The following EPHA6 variants were observed in gnomAD, a reference collection of about 807,000 sequenced individuals.
The protein encoded by EPHA6 is EPH receptor A6, also known as ephrin type-A receptor 6.
In EPHA6, 50 loss-of-function variants were observed where a neutral mutation model predicts 112.0. The ratio of observed to expected loss-of-function variants is 0.45; its 90% confidence interval spans 0.36 to 0.56. EPHA6 has a LOEUF of 0.56. EPHA6 is among the 20% of genes least tolerant of loss of function. The pLI, the probability that EPHA6 is intolerant of heterozygous loss-of-function variation, is 0.00. For missense variants in EPHA6, 1,280 were observed against 1,417.4 expected (o/e 0.90, Z 1.56); for synonymous variants, 529 against 490.7 (o/e 1.08, Z -1.03).
chr3:97,258,234 G>T (rs900947423), intron 5 of EPHA6, among the ~76,000 whole-genome samples: 1 of 146,072 alleles, frequency 6.8e-6, no homozygotes, highest in South Asian at 2.1e-4. Context: ...AGGTGATTGT[G>T]TATGAGTATA....
At chr3:97,280,210 A>T (rs2080239304) in intron 5 of EPHA6, among the ~76,000 whole-genome samples, 1 of 152,242 alleles carries the variant, frequency 6.6e-6, no homozygotes, top group African/African-American at 2.4e-5. Flanking sequence ...AATAACTGAC[A>T]GATGAAATTG....
At chr3:97,736,208 A>T (rs1454495364) in intron 16 of EPHA6, 90 bp downstream of exon 16, 5 of 1,016,144 alleles carry the variant, frequency 4.9e-6, no homozygotes, top group Non-Finnish European at 1.4e-6. Context: ...AAGGAAAAAA[A>T]TGCCTTGATA....
At chr3:97,616,447 A>C (rs1355935451) in intron 13 of EPHA6, among the ~76,000 whole-genome samples, 2 of 152,170 alleles carry the variant, frequency 1.3e-5, no homozygotes, top group African/African-American at 4.8e-5. Flanking sequence ...GAGACGACAG[A>C]AGTAGGCTTC....
At chr3:97,333,800 T>G (rs1034504599) in intron 5 of EPHA6, among the ~76,000 whole-genome samples, 11 of 152,012 alleles carry the variant, frequency 7.2e-5, no homozygotes, top group African/African-American at 2.7e-4. Context: ...TTTTTACCTC[T>G]TTTTTTGCTC....
chr3:97,263,436 TACACACACACACAC>T (rs34479594), intron 5 of EPHA6, among the ~76,000 whole-genome samples: 1 of 142,242 alleles, frequency 7.0e-6, no homozygotes, highest in Non-Finnish European at 1.6e-5. Flanking sequence ...ATTAAAGGGA[TACACACACACACAC>T]ACACACACAC....
At chr3:97,681,755 G>T (rs915725196) in intron 14 of EPHA6, among the ~76,000 whole-genome samples, 4 of 151,950 alleles carry the variant, frequency 2.6e-5, no homozygotes, top group Admixed American at 1.3e-4. Flanking sequence ...TATAAATGAA[G>T]AAATGGTACC....
Position 97,598,487 on chromosome 3 carries a change from T to C in EPHA6, c.2512+5750T>C, listed in dbSNP as rs534917535. Among the ~76,000 whole-genome samples the C allele has an allele frequency of 4.4e-3, 611 of 140,356 alleles. 6 individuals carry two copies. Among genetic ancestry groups the C allele is most frequent in the African/African-American group, 0.016 (591 of 37,704 alleles). The allele number at this position is 140,356 out of a possible 152,430, so 92.1% of individuals were successfully genotyped here. On this transcript the variant is annotated intron_variant, in intron 12 of 17. Transcript: ENST00000389672. ...GTGTCCATGTGATCTCATTGTTCAA[T>C]TCCCACCTATGAGTGAGAATATGCG...
At chr3:97,487,646 T>C (rs1380960245) in intron 10 of EPHA6, among the ~76,000 whole-genome samples, 1 of 152,230 alleles carries the variant, frequency 6.6e-6, no homozygotes, top group East Asian at 1.9e-4. Context: ...CCTATAAATT[T>C]CACTGGTTTT....
At chr3:96,858,541 G>A (rs975828913) in intron 1 of EPHA6, among the ~76,000 whole-genome samples, 1 of 152,056 alleles carries the variant, frequency 6.6e-6, no homozygotes, top group Non-Finnish European at 1.5e-5. Flanking sequence ...CCATGAAAAA[G>A]TCCCAAGTCA....
At chr3:96,963,941 T>G (rs182953015) in intron 2 of EPHA6, among the ~76,000 whole-genome samples, 106 of 152,226 alleles carry the variant, frequency 7.0e-4, no homozygotes, top group Non-Finnish European at 1.3e-3. Context: ...TCTAGAATGG[T>G]TTATTTATGT....
At chr3:97,665,850 G>T (rs573963533) in intron 14 of EPHA6, among the ~76,000 whole-genome samples, 2 of 152,292 alleles carry the variant, frequency 1.3e-5, no homozygotes, top group African/African-American at 4.8e-5. Flanking sequence ...GAGATCAGGG[G>T]TTCGACACCA....
intron 5 of EPHA6, among the ~76,000 whole-genome samples, chr3:97,297,559 TA>T (rs893037059): frequency 2.4e-4 from 36 of 152,268 alleles, no homozygotes; most frequent in African/African-American, 8.4e-4. Flanking sequence ...CGTGTAGTAT[TA>T]ATATGAAGGT....
intron 2 of EPHA6, among the ~76,000 whole-genome samples, chr3:96,931,509 C>T (rs2040325192): frequency 6.6e-6 from 1 of 152,180 alleles, no homozygotes; most frequent in African/African-American, 2.4e-5. Flanking sequence ...TGGGAGCCCC[C>T]ATTTAGTGAG....
At chr3:97,660,493 T>G (rs1398983859) in intron 14 of EPHA6, among the ~76,000 whole-genome samples, 11 of 151,976 alleles carry the variant, frequency 7.2e-5, no homozygotes, top group Non-Finnish European at 1.6e-4. Flanking sequence ...CCTGGAACAA[T>G]CCAAGATAAA....
intron 11 of EPHA6, among the ~76,000 whole-genome samples, chr3:97,561,928 CT>C (rs2093198398): frequency 1.3e-5 from 2 of 152,066 alleles, no homozygotes; most frequent in South Asian, 4.1e-4. Flanking sequence ...TTTGCCTTTG[CT>C]CTTTAAATGA....
intron 14 of EPHA6, among the ~76,000 whole-genome samples, chr3:97,685,987 C>A (rs2107693208): frequency 6.6e-6 from 1 of 152,180 alleles, no homozygotes; most frequent in South Asian, 2.1e-4. Context: ...TGGCATTACA[C>A]TAAGCATTAT....
intron 5 of EPHA6, among the ~76,000 whole-genome samples, chr3:97,311,684 G>A (rs1316731561): frequency 1.3e-5 from 2 of 151,504 alleles, no homozygotes; most frequent in African/African-American, 4.8e-5. Flanking sequence ...CTTTATTACT[G>A]TGGCTTTATT....
chr3:97,151,699 C>A (rs2076175236), intron 3 of EPHA6, among the ~76,000 whole-genome samples: 1 of 151,882 alleles, frequency 6.6e-6, no homozygotes. Flanking sequence ...TAATAAATAA[C>A]CTGAAACATA....
chr3:97,510,343 A>G (rs1031564141), intron 10 of EPHA6, among the ~76,000 whole-genome samples: 1 of 151,956 alleles, frequency 6.6e-6, no homozygotes, highest in Admixed American at 6.5e-5. Flanking sequence ...TTGGTCTTTG[A>G]TGTTGGTGAC....
Sources: gnomAD v4.1 joint callset for allele counts (sites outside exome capture counted in the v4.1 genomes callset) on GRCh38, gnomAD v4.1.1 for gene constraint, MANE v1.5 for transcripts, NCBI Gene and HGNC (gene_info 2026-07-23, HGNC 2026-07-21) for gene names.